The following FOXK1 variants were observed in gnomAD, a reference collection of about 807,000 sequenced individuals.
FOXK1 encodes the protein forkhead box protein K1.
In FOXK1, 19 loss-of-function variants were observed where a neutral mutation model predicts 51.9. That is an observed-to-expected ratio of 0.37 (90% confidence interval 0.26 to 0.54). The LOEUF is 0.54. Ranked by LOEUF, FOXK1 falls within the 20% of genes least tolerant of loss-of-function variation. The pLI is 0.87. For missense variants in FOXK1, 870 were observed against 1,032.7 expected (o/e 0.84, Z 2.16); for synonymous variants, 537 against 482.6 (o/e 1.11, Z -1.48).
chr7:4,755,070 A>G lies in FOXK1; in HGVS notation c.904-167A>G. On this transcript the variant is annotated intron_variant, in intron 3 of 8. Coordinates refer to ENST00000328914, the MANE Select transcript of FOXK1 (RefSeq NM_001037165.2). This position sits in a 1 kb window ranked among gnomAD's most constrained non-coding sequence, Gnocchi z 6.6. ...CCATGAGGCAAAAATGGTTGTTCCTAGTTGAATGCAAGCACATTAATGGGA... is the reference window on the plus strand; with the variant it reads ...CCATGAGGCAAAAATGGTTGTTCCTGGTTGAATGCAAGCACATTAATGGGA... 7.8e-6 allele frequency: 6 copies of G among 768,966 alleles called. No homozygotes were observed. Among genetic ancestry groups the G allele is most frequent in the Non-Finnish European group, 8.0e-6 (4 of 499,898 alleles). The allele number at this position is 768,966 out of a possible 1,614,324, so 47.6% of individuals were successfully genotyped here.
Position 4,734,603 on chromosome 7 carries a change from G to A in FOXK1, c.561-6235G>A, listed in dbSNP as rs73305315. Reference sequence around the variant, plus strand: ...CAAGTGTGCGTGGGCATCGGTGCACGGGGCTCCCTCCCTGGGGCTTCATGG... The same window carrying A: ...CAAGTGTGCGTGGGCATCGGTGCACAGGGCTCCCTCCCTGGGGCTTCATGG... On this transcript the variant is annotated intron_variant, in intron 1 of 8. Coordinates refer to ENST00000328914, the MANE Select transcript of FOXK1 (RefSeq NM_001037165.2). This position sits in a 1 kb window ranked among gnomAD's most constrained non-coding sequence, Gnocchi z 5.2. Among the ~76,000 whole-genome samples the A allele has an allele frequency of 0.055, 8,339 of 152,292 alleles. 787 individuals carry two copies. The highest frequency in any genetic ancestry group is 0.19 in the African/African-American group (7,944 of 41,548).
intron 1 of FOXK1, among the ~76,000 whole-genome samples, chr7:4,716,512 A>C (rs1300701579): frequency 6.6e-6 from 1 of 152,154 alleles, no homozygotes; most frequent in Non-Finnish European, 1.5e-5. Context: ...TGTCCCAAAA[A>C]AAAAGAGAAA....
chr7:4,713,616 C>T lies in FOXK1; in HGVS notation c.561-27222C>T, dbSNP rs367697367. Among the ~76,000 whole-genome samples the T allele has an allele frequency of 4.1e-3, 629 of 151,914 alleles. 1 individual carries two copies. The highest frequency in any genetic ancestry group is 6.1e-3 in the Non-Finnish European group (413 of 67,950). Reference sequence around the variant, plus strand: ...AAGTGATTCTCCTGCCTTAGCCTCCCGAGTTGCTGGGATTACAAGCACGTG... The same window carrying T: ...AAGTGATTCTCCTGCCTTAGCCTCCTGAGTTGCTGGGATTACAAGCACGTG... On this transcript the variant is annotated intron_variant, in intron 1 of 8. Coordinates refer to ENST00000328914, the MANE Select transcript of FOXK1 (RefSeq NM_001037165.2).
chr7:4,719,867 TAATTG>T (rs1321117846), intron 1 of FOXK1, among the ~76,000 whole-genome samples: 2 of 152,246 alleles, frequency 1.3e-5, no homozygotes, highest in African/African-American at 4.8e-5. Context: ...GTCCTCGTTC[TAATTG>T]AATTGTTTGG....
chr7:4,762,269 C>T lies in FOXK1; in HGVS notation c.2007C>T (p.Pro669=). 6.4e-7 allele frequency: 1 copy of T among 1,551,270 alleles called. No individual in the cohort carries two copies. The highest frequency in any genetic ancestry group is 1.2e-5 in the South Asian group (1 of 84,040). ...TCACCCGGGTGTGCGAGGTGGGGCC[C>T]AAGGAGCCAGCAGCAGCCGTCGCGG... ...VVVTRVCEVG[P]KEPAAAVAAT... The change falls in exon 9 of 9, where the codon CCC becomes CCT. Residue 669 remains proline (P), a synonymous_variant. Coordinates refer to ENST00000328914, the MANE Select transcript of FOXK1 (RefSeq NM_001037165.2). This position sits in a 1 kb window ranked among gnomAD's most constrained non-coding sequence, Gnocchi z 5.7.
chr7:4,710,910 C>T (rs758249571), intron 1 of FOXK1, among the ~76,000 whole-genome samples: 7 of 152,138 alleles, frequency 4.6e-5, no homozygotes, highest in African/African-American at 1.4e-4. Context: ...TCCTTCTCCT[C>T]GTCTGTGTAG....
rs1562383001 is a variant in FOXK1, at chr7:4,734,871, G to A, written c.561-5967G>A. Among the ~76,000 whole-genome samples, 1 of 152,232 alleles carries A rather than the reference G, an allele frequency of 6.6e-6. No homozygotes were observed. The highest frequency in any genetic ancestry group is 2.1e-4 in the South Asian group (1 of 4,830). ...GTCCTTCCGCTGGGAGAGACGGGGC[G>A]AGGGGACAGCGGTGGACAGGAGCGA... On this transcript the variant is annotated intron_variant, in intron 1 of 8. Transcript: ENST00000328914. This position sits in a 1 kb window ranked among gnomAD's most constrained non-coding sequence, Gnocchi z 5.2.
In FOXK1 at chr7:4,755,638, G is replaced by A. The variant is rs1485673387; in HGVS notation, c.1050+255G>A. Among the ~76,000 whole-genome samples, 1 of 152,178 alleles carries A rather than the reference G, an allele frequency of 6.6e-6. No homozygotes were observed. Among genetic ancestry groups the A allele is most frequent in the African/African-American group, 2.4e-5 (1 of 41,448 alleles). Reference sequence around the variant, plus strand: ...TCGCAGCTACTCGGAGGCTGAGGTGGGAGGATCACTTGAGCCCAGGAGGTG... The same window carrying A: ...TCGCAGCTACTCGGAGGCTGAGGTGAGAGGATCACTTGAGCCCAGGAGGTG... On this transcript the variant is annotated intron_variant, in intron 4 of 8. Coordinates refer to ENST00000328914, the MANE Select transcript of FOXK1 (RefSeq NM_001037165.2). The surrounding 1 kb of genome is among the most constrained non-coding windows in gnomAD (Gnocchi z 6.6).
At chr7:4,726,737 T>C (rs967077150) in intron 1 of FOXK1, among the ~76,000 whole-genome samples, 5 of 152,230 alleles carry the variant, frequency 3.3e-5, no homozygotes, top group Non-Finnish European at 7.3e-5. Flanking sequence ...GGGCGGCAGC[T>C]GCTTTGCCCT....
In FOXK1 at chr7:4,729,938, T is replaced by C. The variant is rs1780428540; in HGVS notation, c.561-10900T>C. Among the ~76,000 whole-genome samples, 1 of 152,190 alleles carries C rather than the reference T, an allele frequency of 6.6e-6. No homozygotes were observed. The highest frequency in any genetic ancestry group is 2.1e-4 in the South Asian group (1 of 4,822). The stretch of plus-strand genomic sequence containing the variant: ...CCGGAAGGTGGAGTTTGCAGTGAGC[T>C]GAGATCCAGCCACTGCCCTCCAGCC... On this transcript the variant is annotated intron_variant, in intron 1 of 8. Coordinates refer to ENST00000328914, the MANE Select transcript of FOXK1 (RefSeq NM_001037165.2). The surrounding 1 kb of genome is among the most constrained non-coding windows in gnomAD (Gnocchi z 6.2).
chr7:4,762,347 T>C lies in FOXK1; in HGVS notation c.2085T>C (p.Ser695=). 3.2e-6 allele frequency: 5 copies of C among 1,550,820 alleles called. No homozygotes were observed. The highest frequency in any genetic ancestry group is 4.4e-6 in the Non-Finnish European group (5 of 1,146,896). The change falls in exon 9 of 9, where the codon TCT becomes TCC. Residue 695 remains serine (S), a synonymous_variant. Coordinates refer to ENST00000328914, the MANE Select transcript of FOXK1 (RefSeq NM_001037165.2). This position sits in a 1 kb window ranked among gnomAD's most constrained non-coding sequence, Gnocchi z 5.7. ...CCACCACCGCCTCTGCCTCCGCCTC[T>C]TCCACTGGAGAGCCCGAGGTCAAAA... The part of the protein sequence containing the change: ...ATATTASASA[S]STGEPEVKRS...
chr7:4,735,591 T>C lies in FOXK1; in HGVS notation c.561-5247T>C, dbSNP rs1780542186. ...GTCGGGCAAGAATGTTCTGGAGAGA[T>C]GTCCTCCACAGATGGGCACTTGCTC... On this transcript the variant is annotated intron_variant, in intron 1 of 8. Transcript: ENST00000328914. This position sits in a 1 kb window ranked among gnomAD's most constrained non-coding sequence, Gnocchi z 4.7. 6.6e-6 allele frequency among the ~76,000 whole-genome samples: 1 copy of C among 152,146 alleles called. No individual in the cohort carries two copies. The highest frequency in any genetic ancestry group is 2.4e-5 in the African/African-American group (1 of 41,430).
chr7:4,713,457 C>A (rs955031986), intron 1 of FOXK1, among the ~76,000 whole-genome samples: 1 of 151,928 alleles, frequency 6.6e-6, no homozygotes, highest in Admixed American at 6.6e-5. Context: ...GAGGTCAGCT[C>A]CCTAAACAAG....
intron 2 of FOXK1, among the ~76,000 whole-genome samples, chr7:4,744,516 T>A (rs1310740995): frequency 3.3e-5 from 5 of 152,244 alleles, no homozygotes; most frequent in African/African-American, 9.6e-5. Flanking sequence ...TGCGGTATTG[T>A]TTCTGAGTTG....
intron 1 of FOXK1, among the ~76,000 whole-genome samples, chr7:4,710,716 G>C (rs1780163515): frequency 6.6e-6 from 1 of 152,164 alleles, no homozygotes; most frequent in Non-Finnish European, 1.5e-5. Flanking sequence ...GTCACATTCA[G>C]GGCGAGGGTG....
chr7:4,735,735 C>T lies in FOXK1; in HGVS notation c.561-5103C>T, dbSNP rs545066719. 7.4e-4 allele frequency among the ~76,000 whole-genome samples: 113 copies of T among 152,288 alleles called. No individual in the cohort carries two copies. Among genetic ancestry groups the T allele is most frequent in the African/African-American group, 2.6e-3 (108 of 41,562 alleles). On this transcript the variant is annotated intron_variant, in intron 1 of 8. Coordinates refer to ENST00000328914, the MANE Select transcript of FOXK1 (RefSeq NM_001037165.2). The surrounding 1 kb of genome is among the most constrained non-coding windows in gnomAD (Gnocchi z 4.7). Reference sequence around the variant, plus strand: ...GTGTGTGTGGCTGGGTTTAAACCACCGTGCAGCACCTTCACGATGCAAAAC... The same window carrying T: ...GTGTGTGTGGCTGGGTTTAAACCACTGTGCAGCACCTTCACGATGCAAAAC...
chr7:4,721,011 CT>C (rs1251279356), intron 1 of FOXK1, among the ~76,000 whole-genome samples: 1 of 152,018 alleles, frequency 6.6e-6, no homozygotes, highest in Admixed American at 6.6e-5. Flanking sequence ...CCAAATTTAG[CT>C]TTTTACCTAG....
intron 5 of FOXK1, among the ~76,000 whole-genome samples, chr7:4,757,613 G>A (rs1180569968): frequency 3.0e-5 from 3 of 99,216 alleles, no homozygotes; most frequent in Non-Finnish European, 5.6e-5. Context: ...CAGCCTGGGC[G>A]ACAAGAGCAA....
At chr7:4,694,874 C>T (rs1296992260) in intron 1 of FOXK1, among the ~76,000 whole-genome samples, 1 of 152,182 alleles carries the variant, frequency 6.6e-6, no homozygotes, top group Admixed American at 6.5e-5. Flanking sequence ...TAGTCGTCTA[C>T]CTTCCCAGAA....
Sources: allele counts gnomAD v4.1 joint callset (sites outside exome capture counted in the v4.1 genomes callset), GRCh38; gene constraint gnomAD v4.1.1; non-coding constraint Gnocchi (gnomAD v3.1); transcripts MANE v1.5; gene names NCBI Gene and HGNC (gene_info 2026-07-23, HGNC 2026-07-21).